The following TPRA1 variants were observed in gnomAD, a reference collection of about 807,000 sequenced individuals.
The protein encoded by TPRA1 is transmembrane protein adipocyte-associated 1.
In TPRA1, 28 loss-of-function variants were observed where a neutral mutation model predicts 40.1. The ratio of observed to expected loss-of-function variants is 0.70; its 90% CI spans 0.52 to 0.96. The LOEUF is 0.96. Among genes scored for constraint, TPRA1 ranks in the 40% least tolerant of loss-of-function variants. The pLI is 0.00. For missense variants in TPRA1, 441 were observed against 482.6 expected (o/e 0.91, Z 0.81); for synonymous variants, 219 against 209.7 (o/e 1.04, Z -0.38).
At chr3:127,579,941 C>A in intron 2 of TPRA1, 69 bp from the exon 3 acceptor site, 1 of 1,608,644 alleles carries the variant, frequency 6.2e-7, no homozygotes, top group South Asian at 1.1e-5. Flanking sequence ...AAGACACAAT[C>A]TGCCCCACCC....
upstream of TPRA1, chr3:127,595,011 C>A (rs2074227919): frequency 1.3e-5 from 2 of 152,328 alleles, no homozygotes. Flanking sequence ...CAGCTCCTCA[C>A]TCCCCAAGCC....
intron 1 of TPRA1, among the ~76,000 whole-genome samples, chr3:127,585,489 A>G (rs1170006890): frequency 6.6e-6 from 1 of 152,232 alleles, no homozygotes; most frequent in Non-Finnish European, 1.5e-5. Context: ...GAACAGAGAC[A>G]GGGAGGCCAT....
intron 10 of TPRA1, chr3:127,574,916 G>A (rs1030971181): frequency 2.1e-5 from 11 of 527,338 alleles, no homozygotes; most frequent in Non-Finnish European, 3.8e-5. Context: ...ATCCGTATGT[G>A]CGTGTTTGTG....
Position 127,580,112 on chromosome 3 carries a change from C to T in TPRA1, c.35G>A (p.Gly12Glu). Residue 12 changes from glycine to glutamate, a missense_variant, in exon 2 of 11, where the codon GGG becomes GAG. Gly to Glu is a moderately conservative substitution (Grantham distance 98, BLOSUM62 -2). Transcript: ENST00000355552. ...DTLEEVTWAN[G>E]STALPPPLAP... ...CAGGGGTGGGGGTAGCGCTGTGCTC[C>T]CATTGGCCCAAGTCACCTCCTCCAG... 1 of 1,613,624 alleles carries T rather than the reference C, an allele frequency of 6.2e-7. No individual in the cohort carries two copies. The highest frequency in any genetic ancestry group is 8.5e-7 in the Non-Finnish European group (1 of 1,179,986).
chr3:127,596,780 C>T (rs1384712577), intron 1 of TPRA1, among the ~76,000 whole-genome samples: 1 of 152,078 alleles, frequency 6.6e-6, no homozygotes. Flanking sequence ...CTGGTGTCAT[C>T]CTGCATGCCT....
upstream of TPRA1, chr3:127,590,864 G>A (rs901689077): frequency 6.6e-6 from 1 of 152,242 alleles, no homozygotes; most frequent in Non-Finnish European, 1.5e-5. Flanking sequence ...ATTCCCAAGA[G>A]GCGGAGCAGC....
chr3:127,587,592 T>C (rs2074037167), intron 1 of TPRA1, among the ~76,000 whole-genome samples: 1 of 151,588 alleles, frequency 6.6e-6, no homozygotes, highest in African/African-American at 2.4e-5. Flanking sequence ...ATCTGCCTAA[T>C]AAGGGTGCCG....
chr3:127,578,189 G>T (rs2073710935), intron 3 of TPRA1, among the ~76,000 whole-genome samples: 1 of 152,248 alleles, frequency 6.6e-6, no homozygotes, highest in Non-Finnish European at 1.5e-5. Flanking sequence ...TGTGCCATGA[G>T]AAATTGTGTC....
intron 1 of TPRA1, among the ~76,000 whole-genome samples, chr3:127,596,083 AT>A (rs112013218): frequency 9.2e-4 from 134 of 145,626 alleles, no homozygotes; most frequent in East Asian, 1.6e-3. Flanking sequence ...TCCCAGGATA[AT>A]TTTTTTTTTT....
chr3:127,597,245 C>T (rs907694965), intron 1 of TPRA1, among the ~76,000 whole-genome samples: 4 of 152,302 alleles, frequency 2.6e-5, no homozygotes, highest in East Asian at 1.9e-4. Context: ...AAGAGGGTTG[C>T]GATTCAGCCC....
intron 1 of TPRA1, chr3:127,588,224 C>T (rs1274215952): frequency 6.6e-6 from 1 of 152,184 alleles, no homozygotes; most frequent in Non-Finnish European, 1.5e-5. Flanking sequence ...TGGGAAATAC[C>T]CTGGTGTTGT....
chr3:127,592,871 A>AT (rs2074202934), upstream of TPRA1, among the ~76,000 whole-genome samples: 1 of 152,144 alleles, frequency 6.6e-6, no homozygotes, highest in Non-Finnish European at 1.5e-5. Context: ...ATGTCTTCCC[A>AT]CCACGGTAGG....
upstream of TPRA1, among the ~76,000 whole-genome samples, chr3:127,591,657 C>G (rs1341082639): frequency 6.6e-6 from 1 of 152,244 alleles, no homozygotes; most frequent in Non-Finnish European, 1.5e-5. Context: ...GACACCCTCG[C>G]TGGAGCGGCT....
chr3:127,576,481 C>A lies in TPRA1; in HGVS notation c.498+136G>T. 3 of 862,644 alleles carry A rather than the reference C, an allele frequency of 3.5e-6. No individual in the cohort carries two copies. Among genetic ancestry groups the A allele is most frequent in the Non-Finnish European group, 1.7e-6 (1 of 573,212 alleles). 53.4% of individuals were successfully genotyped at this position (862,644 alleles called of 1,614,324 possible). A position where few individuals can be genotyped will look rare whatever the true frequency, so the allele number is the denominator to read the frequency against. ...CCAGAATGTGCCTCGGTAACAAGCA[C>A]CCCATGTGATTTCTCAGGTGCAAAG... On this transcript the variant is annotated intron_variant, in intron 6 of 10. Transcript: ENST00000355552. This position sits in a 1 kb window ranked among gnomAD's most constrained non-coding sequence, Gnocchi z 4.6.
Position 127,576,466 on chromosome 3 carries a change from C to A in TPRA1, c.498+151G>T. The A allele has an allele frequency of 1.3e-6, 1 of 783,276 alleles. No homozygotes were observed. The highest frequency in any genetic ancestry group is 1.9e-5 in the South Asian group (1 of 53,452). The allele number at this position is 783,276 out of a possible 1,614,324, so 48.5% of individuals were successfully genotyped here. ...AATCTCCAGGGGACCCCAGAATGTG[C>A]CTCGGTAACAAGCACCCCATGTGAT... On this transcript the variant is annotated intron_variant, in intron 6 of 10. Transcript: ENST00000355552. The surrounding 1 kb of genome is among the most constrained non-coding windows in gnomAD (Gnocchi z 4.6).
intron 10 of TPRA1, chr3:127,574,909 C>T (rs1053878823): frequency 2.0e-5 from 10 of 505,586 alleles, no homozygotes; most frequent in Non-Finnish European, 3.2e-5. Flanking sequence ...CGTGTGTATC[C>T]GTATGTGCGT....
At position 127,579,745 on chromosome 3, in the gene TPRA1, T is replaced by A; in HGVS notation, c.253A>T (p.Ile85Phe). 6.2e-7 allele frequency: 1 copy of A among 1,614,092 alleles called. No homozygotes were observed. Among genetic ancestry groups the A allele is most frequent in the Non-Finnish European group, 8.5e-7 (1 of 1,179,996 alleles). ...TSSPIFITFY[I>F]LVFVVALVGI... ...GTCAACTGCAGTGAACTCACCAGGA[T>A]GTAGAAGGTGATAAAAATGGGGCTG... The change falls in exon 3 of 11, where the codon ATC becomes TTC. Residue 85 changes from isoleucine to phenylalanine, a missense_variant. By Grantham distance (21) the Ile-to-Phe change is conservative. Coordinates refer to ENST00000355552, the MANE Select transcript of TPRA1 (RefSeq NM_001136053.4).
Position 127,580,123 on chromosome 3 carries a change from A to C in TPRA1, c.24T>G (p.Thr8=), listed in dbSNP as rs760159801. The C allele has an allele frequency of 6.2e-7, 1 of 1,613,300 alleles. No individual in the cohort carries two copies. The highest frequency in any genetic ancestry group is 1.7e-5 in the Admixed American group (1 of 59,986). Residue 8 remains threonine (T), a synonymous_variant, in exon 2 of 11, where the codon ACT becomes ACG. Transcript: ENST00000355552. ...GTAGCGCTGTGCTCCCATTGGCCCA[A>C]GTCACCTCCTCCAGGGTGTCCATCC... MDTLEEV[T]WANGSTALPP...
chr3:127,577,181 T>A (rs2073670953), intron 3 of TPRA1, 105 bp from the exon 4 acceptor site: 1 of 1,223,060 alleles, frequency 8.2e-7, no homozygotes, highest in Admixed American at 1.9e-5. Flanking sequence ...ATTCCTGAGG[T>A]CGGAAAGGAG....
Sources: allele counts gnomAD v4.1 joint callset (sites outside exome capture counted in the v4.1 genomes callset), GRCh38; gene constraint gnomAD v4.1.1; non-coding constraint Gnocchi (gnomAD v3.1); transcripts MANE v1.5; gene names NCBI Gene and HGNC (gene_info 2026-07-23, HGNC 2026-07-21).